The following LRRC4C variants were observed in gnomAD, a reference collection of about 807,000 sequenced individuals.
LRRC4C encodes the protein leucine-rich repeat-containing protein 4C.
A neutral mutation model predicts 33.6 loss-of-function variants in LRRC4C; 5 were observed. That is an observed-to-expected ratio of 0.15 (90% CI 0.08 to 0.31). LRRC4C has a LOEUF of 0.31. LRRC4C is among the 10% of genes least tolerant of loss of function. LRRC4C has a pLI of 1.00. For missense variants in LRRC4C, 560 were observed against 796.7 expected (o/e 0.70, Z 3.58); for synonymous variants, 329 against 302.0 (o/e 1.09, Z -0.93).
chr11:40,279,382 C>A (rs190243168), intron 4 of LRRC4C, among the ~76,000 whole-genome samples: 5 of 152,280 alleles, frequency 3.3e-5, no homozygotes, highest in Admixed American at 1.3e-4. Flanking sequence ...CAGAAAACAA[C>A]AGGAATTACA....
At chr11:40,666,332 T>G (rs533113759) in intron 2 of LRRC4C, among the ~76,000 whole-genome samples, 1 of 152,234 alleles carries the variant, frequency 6.6e-6, no homozygotes, top group Non-Finnish European at 1.5e-5. Flanking sequence ...ATATGCATGG[T>G]GAGGGTATAA....
chr11:41,076,457 A>C (rs7113187), intron 1 of LRRC4C, among the ~76,000 whole-genome samples: 87,530 of 152,062 alleles, frequency 0.58, 26,306 homozygotes, highest in South Asian at 0.73. Flanking sequence ...AAGCAAGCAC[A>C]TCTTAACATG....
At chr11:41,385,226 G>C (rs1253557108) in intron 1 of LRRC4C, among the ~76,000 whole-genome samples, 1 of 151,286 alleles carries the variant, frequency 6.6e-6, no homozygotes, top group East Asian at 2.0e-4. Context: ...TAAAAATCAT[G>C]TGGCCAATTT....
At chr11:40,140,888 A>G (rs1857318994) in intron 5 of LRRC4C, 35 bp from the exon 6 acceptor site, 1 of 152,620 alleles carries the variant, frequency 6.6e-6, no homozygotes, top group Non-Finnish European at 1.5e-5. Flanking sequence ...AAAAGAAAAA[A>G]AAGCATCCAT....
rs1348903619 is a variant in LRRC4C at position 41,442,465 on chromosome 11, T to TTTC, written c.-496+16965_-496+16966insGAA. Among the ~76,000 whole-genome samples, 19 of 71,908 alleles carry TTTC rather than the reference T, an allele frequency of 2.6e-4. 1 individual carries two copies. The highest frequency in any genetic ancestry group is 1.2e-3 in the African/African-American group (19 of 16,100). The allele number at this position is 71,908 out of a possible 152,430, so 47.2% of individuals were successfully genotyped here. On this transcript the variant is annotated intron_variant, in intron 1 of 6. Coordinates refer to ENST00000528697, the MANE Select transcript of LRRC4C (RefSeq NM_001258419.2). Reference sequence around the variant, plus strand: ...TCTCTTTGTTGCTTTTTTCTTTTTTTTTTTTTTTTTTTTTTTTTTTTTGAG... The same window carrying TTTC: ...TCTCTTTGTTGCTTTTTTCTTTTTTTTTCTTTTTTTTTTTTTTTTTTTTTTGAG...
chr11:40,612,040 A>T (rs755092920), intron 3 of LRRC4C, among the ~76,000 whole-genome samples: 25 of 151,716 alleles, frequency 1.6e-4, no homozygotes, highest in Non-Finnish European at 2.9e-4. Flanking sequence ...ATTTCTGAGT[A>T]TTTCTAAAAA....
intron 3 of LRRC4C, among the ~76,000 whole-genome samples, chr11:40,577,866 C>T (rs1236397307): frequency 1.6e-5 from 2 of 128,750 alleles, no homozygotes; most frequent in Non-Finnish European, 3.1e-5. Context: ...GACGGAGTCT[C>T]GCTCTGTCGC....
intron 2 of LRRC4C, among the ~76,000 whole-genome samples, chr11:40,800,299 T>C (rs1038080005): frequency 1.3e-5 from 2 of 152,214 alleles, no homozygotes; most frequent in African/African-American, 4.8e-5. Context: ...TTTGTTTCCC[T>C]GTCTGTTGTC....
At chr11:41,327,934 C>T (rs1245923206) in intron 1 of LRRC4C, among the ~76,000 whole-genome samples, 1 of 152,096 alleles carries the variant, frequency 6.6e-6, no homozygotes, top group Non-Finnish European at 1.5e-5. Context: ...TTATAAATTA[C>T]CCAGTCTCAG....
At position 40,948,407 on chromosome 11, in the gene LRRC4C, T is replaced by G. The variant is rs935709833; in HGVS notation, c.-495-14684A>C. Among the ~76,000 whole-genome samples the G allele has an allele frequency of 4.6e-5, 7 of 152,116 alleles. No individual in the cohort carries two copies. In the South Asian group the frequency reaches 1.5e-3, roughly 32 times the overall value. On this transcript the variant is annotated intron_variant, in intron 1 of 6. Transcript: ENST00000528697. The stretch of plus-strand genomic sequence containing the variant: ...TATACTTTAAGTTTTAGTGTACATG[T>G]GCACAATGTGCAGGTTAGTTACATA...
At position 41,034,621 on chromosome 11, in the gene LRRC4C, A is replaced by G. The variant is rs1057303394; in HGVS notation, c.-495-100898T>C. 2.8e-5 allele frequency among the ~76,000 whole-genome samples: 4 copies of G among 143,762 alleles called. No homozygotes were observed. The Admixed American group carries it at 2.8e-4, about 10-fold the overall frequency. The allele number at this position is 143,762 out of a possible 152,430, so 94.3% of individuals were successfully genotyped here. A position where few individuals can be genotyped will look rare whatever the true frequency, so the allele number is the denominator to read the frequency against. ...AATATGGTGACGTATATATATATATATATATATATATATATATGAGGTGAG... is the reference window on the plus strand; with the variant it reads ...AATATGGTGACGTATATATATATATGTATATATATATATATATGAGGTGAG... On this transcript the variant is annotated intron_variant, in intron 1 of 6. Transcript: ENST00000528697.
At chr11:40,526,357 C>T (rs1360592771) in intron 3 of LRRC4C, among the ~76,000 whole-genome samples, 1 of 152,042 alleles carries the variant, frequency 6.6e-6, no homozygotes, top group Non-Finnish European at 1.5e-5. Context: ...AACCAGCATA[C>T]ATTAAAAAAC....
intron 3 of LRRC4C, among the ~76,000 whole-genome samples, chr11:40,642,109 C>A (rs1942160418): frequency 1.3e-5 from 2 of 151,090 alleles, no homozygotes; most frequent in Non-Finnish European, 2.9e-5. Flanking sequence ...CCAAAGACTA[C>A]CAGTCTCTCT....
intron 1 of LRRC4C, among the ~76,000 whole-genome samples, chr11:41,249,247 G>A (rs1948558057): frequency 6.6e-6 from 1 of 151,996 alleles, no homozygotes; most frequent in Admixed American, 6.6e-5. Context: ...TGTTAGCCAG[G>A]ATGGTCTCGA....
At chr11:40,981,284 T>A (rs991971829) in intron 1 of LRRC4C, among the ~76,000 whole-genome samples, 5 of 151,964 alleles carry the variant, frequency 3.3e-5, no homozygotes. Flanking sequence ...CGTGGTGGTG[T>A]GCGCCTGTAG....
At chr11:40,489,936 A>C (rs1315270784) in intron 3 of LRRC4C, among the ~76,000 whole-genome samples, 4 of 152,106 alleles carry the variant, frequency 2.6e-5, no homozygotes, top group African/African-American at 9.7e-5. Flanking sequence ...TCTGTTAAGA[A>C]ACCATTGGTA....
intron 1 of LRRC4C, among the ~76,000 whole-genome samples, chr11:41,375,713 A>G (rs895601838): frequency 1.3e-5 from 2 of 152,180 alleles, no homozygotes; most frequent in African/African-American, 2.4e-5. Flanking sequence ...CAAACTATGA[A>G]TTAATAGCTA....
chr11:40,989,429 A>G (rs919274130), intron 1 of LRRC4C, among the ~76,000 whole-genome samples: 17 of 152,172 alleles, frequency 1.1e-4, no homozygotes, highest in African/African-American at 4.1e-4. Flanking sequence ...GAAAATGCCT[A>G]TATTCCCACT....
At chr11:41,192,381 G>A (rs1453652603) in intron 1 of LRRC4C, among the ~76,000 whole-genome samples, 1 of 146,478 alleles carries the variant, frequency 6.8e-6, no homozygotes, top group Non-Finnish European at 1.5e-5. Context: ...TGACAACAGG[G>A]CTAATCAAGA....
Sources: allele counts gnomAD v4.1 joint callset (sites outside exome capture counted in the v4.1 genomes callset), GRCh38; gene constraint gnomAD v4.1.1; transcripts MANE v1.5; gene names NCBI Gene and HGNC (gene_info 2026-07-23, HGNC 2026-07-21).